Variants in SUGCT observed in about 807,000 individuals in gnomAD.
SUGCT encodes succinyl-CoA:glutarate CoA-transferase.
A neutral mutation model predicts 55.0 loss-of-function variants in SUGCT; 41 were observed. The observed-to-expected ratio is 0.74, with a 90% confidence interval of 0.58 to 0.97. SUGCT has a LOEUF of 0.97. Ranked by LOEUF, SUGCT falls within the 50% of genes least tolerant of loss-of-function variation. SUGCT has a pLI of 0.00. For synonymous variants in SUGCT, 187 were observed against 200.4 expected, an observed-to-expected ratio of 0.93 and a Z score of 0.56; for missense variants, 568 against 547.8, an observed-to-expected ratio of 1.04 and a Z score of -0.37.
At chr7:40,569,836 G>A (rs1481290425) in intron 12 of SUGCT, among the ~76,000 whole-genome samples, 1 of 152,134 alleles carries the variant, frequency 6.6e-6, no homozygotes, top group Non-Finnish European at 1.5e-5. Context: ...TTTTAATCAT[G>A]TTAAGCCTTC....
chr7:40,865,565 T>C (rs1423459112), downstream of SUGCT, among the ~76,000 whole-genome samples: 13 of 152,190 alleles, frequency 8.5e-5, no homozygotes, highest in Non-Finnish European at 1.0e-4. Context: ...GAGTCTAGAC[T>C]CTTCGTTCCA....
the SUGCT span, among the ~76,000 whole-genome samples, chr7:41,021,440 A>G: frequency 2.6e-5 from 4 of 152,176 alleles, no homozygotes; most frequent in South Asian, 2.1e-4. Context: ...TGAATCTGTA[A>G]TAGTTCAGTT....
intron 10 of SUGCT, among the ~76,000 whole-genome samples, chr7:40,452,609 G>C (rs769217158): frequency 6.6e-6 from 1 of 152,234 alleles, no homozygotes; most frequent in Non-Finnish European, 1.5e-5. Context: ...GGTGAACTCT[G>C]TCACGGTCCT....
chr7:40,477,745 A>G (rs1209571769), intron 11 of SUGCT, among the ~76,000 whole-genome samples: 2 of 152,194 alleles, frequency 1.3e-5, no homozygotes, highest in African/African-American at 4.8e-5. Flanking sequence ...GTGGGGACAT[A>G]TTAAAAATAG....
chr7:40,705,481 T>C (rs568171549), intron 12 of SUGCT, among the ~76,000 whole-genome samples: 1 of 151,988 alleles, frequency 6.6e-6, no homozygotes, highest in East Asian at 1.9e-4. Context: ...TGATTCTATT[T>C]TCTAATTTCC....
intron 12 of SUGCT, among the ~76,000 whole-genome samples, chr7:40,582,800 C>A (rs1194437059): frequency 2.6e-5 from 4 of 152,098 alleles, no homozygotes; most frequent in Admixed American, 2.6e-4. Context: ...AACTCCATGG[C>A]CGTCACAGAG....
chr7:40,532,586 G>A (rs1187311836), intron 12 of SUGCT, among the ~76,000 whole-genome samples: 2 of 146,728 alleles, frequency 1.4e-5, no homozygotes, highest in East Asian at 4.1e-4. Flanking sequence ...TGTGTTTGTG[G>A]ATCGCCTTGG....
chr7:40,940,344 G>T, the SUGCT span, among the ~76,000 whole-genome samples: 1 of 151,836 alleles, frequency 6.6e-6, no homozygotes, highest in Non-Finnish European at 1.5e-5. Context: ...TTTGCTTAGG[G>T]TTGCCTTGGC....
At chr7:40,778,385 T>C (rs553953205) in intron 13 of SUGCT, among the ~76,000 whole-genome samples, 1 of 152,346 alleles carries the variant, frequency 6.6e-6, no homozygotes, top group East Asian at 1.9e-4. Flanking sequence ...GAGCTCACAA[T>C]AGGATTAAAG....
chr7:40,451,051 T>G (rs968800993), intron 10 of SUGCT, among the ~76,000 whole-genome samples: 1 of 151,610 alleles, frequency 6.6e-6, no homozygotes, highest in Admixed American at 6.6e-5. Context: ...ACATTTGATC[T>G]GGGATCAAAG....
chr7:40,828,332 G>T (rs1216615992), intron 13 of SUGCT, among the ~76,000 whole-genome samples: 1 of 152,118 alleles, frequency 6.6e-6, no homozygotes, highest in Non-Finnish European at 1.5e-5. Context: ...AGGGCACATG[G>T]TCTTTCTTGT....
At chr7:40,352,297 C>T (rs981351319) in intron 9 of SUGCT, among the ~76,000 whole-genome samples, 19 of 151,922 alleles carry the variant, frequency 1.3e-4, no homozygotes, top group African/African-American at 4.6e-4. Context: ...TATGTGCTGC[C>T]AAGGTGAGCA....
chr7:40,226,940 A>C (rs1464161055), intron 6 of SUGCT, among the ~76,000 whole-genome samples: 1 of 151,472 alleles, frequency 6.6e-6, no homozygotes, highest in East Asian at 1.9e-4. Flanking sequence ...TATTAAATAA[A>C]AAGTTAATTA....
chr7:40,347,289 G>A (rs1457628143), intron 9 of SUGCT, among the ~76,000 whole-genome samples: 4 of 152,200 alleles, frequency 2.6e-5, no homozygotes, highest in Admixed American at 2.6e-4. Flanking sequence ...AATCCATTGT[G>A]GTGAGGCCTC....
chr7:41,024,443 C>G, the SUGCT span, among the ~76,000 whole-genome samples: 1 of 152,138 alleles, frequency 6.6e-6, no homozygotes, highest in South Asian at 2.1e-4. Flanking sequence ...TTGTTACACT[C>G]TTAACCAACA....
At chr7:40,752,619 G>T (rs1169074849) in intron 13 of SUGCT, among the ~76,000 whole-genome samples, 1 of 152,178 alleles carries the variant, frequency 6.6e-6, no homozygotes, top group Non-Finnish European at 1.5e-5. Context: ...GCCTCCCAAA[G>T]TGCTGGGATT....
intron 6 of SUGCT, among the ~76,000 whole-genome samples, chr7:40,233,194 A>G (rs553262191): frequency 6.6e-6 from 1 of 151,962 alleles, no homozygotes; most frequent in South Asian, 2.1e-4. Context: ...TTTGACTCCT[A>G]TTATGGAATA....
chr7:40,791,688 C>A (rs896887329), intron 13 of SUGCT, among the ~76,000 whole-genome samples: 7 of 152,096 alleles, frequency 4.6e-5, no homozygotes, highest in African/African-American at 1.7e-4. Flanking sequence ...TTAATAAAGA[C>A]AGGAAGGAGT....
chr7:40,784,329 T>G (rs1584436542), intron 13 of SUGCT, among the ~76,000 whole-genome samples: 1 of 152,302 alleles, frequency 6.6e-6, no homozygotes, highest in East Asian at 1.9e-4. Flanking sequence ...GGTGTCTCCC[T>G]TGGACAGGGC....
Sources: gnomAD v4.1 joint callset for allele counts (sites outside exome capture counted in the v4.1 genomes callset) on GRCh38, gnomAD v4.1.1 for gene constraint, MANE v1.5 for transcripts, NCBI Gene and HGNC (gene_info 2026-07-23, HGNC 2026-07-21) for gene names.